TTI1: variants seen among roughly 807,000 people sequenced by gnomAD.
The protein encoded by TTI1 is TELO2 interacting protein 1.
A neutral mutation model predicts 85.4 loss-of-function variants in TTI1; 52 were observed. The ratio of observed to expected loss-of-function variants is 0.61; its 90% CI spans 0.49 to 0.77. The LOEUF (loss-of-function observed/expected upper bound fraction) is 0.77, where lower values mean the gene tolerates loss of function less well. Ranked by LOEUF, TTI1 falls within the 30% of genes least tolerant of loss-of-function variation. The pLI is 0.00. For missense variants in TTI1, 1,173 were observed against 1,296.0 expected, an observed-to-expected ratio of 0.91 and a Z score of 1.46; for synonymous variants, 512 against 503.9, an observed-to-expected ratio of 1.02 and a Z score of -0.22.
intron 7 of TTI1, among the ~76,000 whole-genome samples, chr20:37,990,085 G>A (rs1161044167): frequency 6.6e-6 from 1 of 152,180 alleles, no homozygotes; most frequent in Non-Finnish European, 1.5e-5. Flanking sequence ...AGGAAGCACA[G>A]AGCCACTCTG....
At chr20:38,010,125 G>A (rs2073561283) in intron 2 of TTI1, among the ~76,000 whole-genome samples, 1 of 152,174 alleles carries the variant, frequency 6.6e-6, no homozygotes, top group Non-Finnish European at 1.5e-5. Flanking sequence ...ACTCTTGAAT[G>A]AATGAATGAA....
chr20:38,009,626 A>G (rs2073552758), intron 2 of TTI1, among the ~76,000 whole-genome samples: 1 of 151,648 alleles, frequency 6.6e-6, no homozygotes, highest in Non-Finnish European at 1.5e-5. Context: ...TCTACCTCCC[A>G]AGTAGCTGGA....
intron 4 of TTI1, among the ~76,000 whole-genome samples, chr20:38,001,103 C>G (rs1206860283): frequency 6.6e-6 from 1 of 152,208 alleles, no homozygotes; most frequent in Non-Finnish European, 1.5e-5. Flanking sequence ...CCACAAAAGA[C>G]AGGGAGTTCC....
chr20:37,983,660 G>T (rs376545796), intron 7 of TTI1, 21 bp from the exon 8 acceptor site: 47 of 1,494,388 alleles, frequency 3.1e-5, no homozygotes, highest in African/African-American at 7.1e-5. Context: ...ATGGAAAGGA[G>T]TGAGTAGAGG....
chr20:38,031,681 G>C (rs986730882), intron 1 of TTI1, among the ~76,000 whole-genome samples: 2 of 152,180 alleles, frequency 1.3e-5, no homozygotes, highest in South Asian at 4.1e-4. Flanking sequence ...TTGGACATAG[G>C]TGCTGAAAAA....
chr20:38,022,841 G>A (rs2073787857), intron 1 of TTI1, among the ~76,000 whole-genome samples: 1 of 152,188 alleles, frequency 6.6e-6, no homozygotes, highest in Admixed American at 6.5e-5. Flanking sequence ...CCATCTGGTT[G>A]CAGTGTTCAG....
chr20:38,013,265 C>A lies in TTI1; in HGVS notation c.552G>T (p.Gln184His), dbSNP rs6013655. Residue 184 changes from glutamine to histidine, a missense_variant, in exon 2 of 8, where the codon CAG becomes CAT. Physicochemically the swap from Gln to His is conservative, Grantham distance 24. Transcript: ENST00000373447. ...ALKCLQVLLL[Q>H]CDCQDHPRSL... is the part of the protein sequence containing the mutation. Reference sequence around the variant, plus strand: ...ACCTTGGATGGTCCTGACAATCACACTGCAAGAGTAGAACCTGTAAACATT... The same window carrying A: ...ACCTTGGATGGTCCTGACAATCACAATGCAAGAGTAGAACCTGTAAACATT... 1 of 1,614,050 alleles carries A rather than the reference C, an allele frequency of 6.2e-7. No homozygotes were observed. Among genetic ancestry groups the A allele is most frequent in the Admixed American group, 1.7e-5 (1 of 60,028 alleles).
chr20:38,017,501 G>C (rs1013632763), intron 1 of TTI1, among the ~76,000 whole-genome samples: 1 of 151,906 alleles, frequency 6.6e-6, no homozygotes, highest in African/African-American at 2.4e-5. Context: ...ACGTGGGCTT[G>C]GGATTAGGGT....
intron 7 of TTI1, among the ~76,000 whole-genome samples, chr20:37,984,383 G>A (rs548455637): frequency 2.0e-5 from 3 of 152,300 alleles, no homozygotes; most frequent in Non-Finnish European, 4.4e-5. Flanking sequence ...CTGGGCTACT[G>A]GACACCCCAC....
chr20:38,016,358 G>A (rs1165190314), intron 1 of TTI1, among the ~76,000 whole-genome samples: 1 of 152,220 alleles, frequency 6.6e-6, no homozygotes, highest in Non-Finnish European at 1.5e-5. Context: ...AAAATCCAGG[G>A]TGAAGGCAAT....
chr20:37,996,858 C>T lies in TTI1; in HGVS notation c.2889G>A (p.Gln963=), dbSNP rs755074511. Residue 963 remains glutamine (Q), a synonymous_variant, in exon 6 of 8, where the codon CAG becomes CAA. Transcript: ENST00000373447. ...LPKLAGSLVT[Q]APISARAGPV... ...GTCCAGCCCTGGCACTGATGGGGGC[C>T]TGGGTGACTAGGGAGCCAGCCAGCT... 3 of 1,614,158 alleles carry T rather than the reference C, an allele frequency of 1.9e-6. No individual in the cohort carries two copies. In the South Asian group the frequency reaches 3.3e-5, roughly 18 times the overall value.
At chr20:37,986,492 C>G (rs1422549766) in intron 7 of TTI1, among the ~76,000 whole-genome samples, 1 of 152,210 alleles carries the variant, frequency 6.6e-6, no homozygotes, top group African/African-American at 2.4e-5. Context: ...GAGCCAAACT[C>G]TTGGAAGGAC....
rs74408468 is a variant in TTI1, at chr20:38,005,793, T to C, written c.2503+404A>G. On this transcript the variant is annotated intron_variant, in intron 3 of 7. Transcript: ENST00000373447. The stretch of plus-strand genomic sequence containing the variant: ...TAAAGAAATATGCAAAAATAAAAAA[T>C]AAAAAAATAAAAAAAATAAAAAAAA... The C allele has an allele frequency of 4.3e-3, 594 of 136,650 alleles. 4 individuals are homozygous for C. Among genetic ancestry groups the C allele is most frequent in the Non-Finnish European group, 6.2e-3 (408 of 65,642 alleles). The allele number at this position is 136,650 out of a possible 1,614,324, so 8.5% of individuals were successfully genotyped here. A position where few individuals can be genotyped will look rare whatever the true frequency, so the allele number is the denominator to read the frequency against.
rs1242109116 is a variant in TTI1, at chr20:37,999,187, C to T, written c.2793+1G>A. 1.4e-6 allele frequency: 2 copies of T among 1,437,298 alleles called. No individual in the cohort carries two copies. Among genetic ancestry groups the T allele is most frequent in the Non-Finnish European group, 1.8e-6 (2 of 1,088,090 alleles). 89.0% of individuals were successfully genotyped at this position (1,437,298 alleles called of 1,614,324 possible). A position where few individuals can be genotyped will look rare whatever the true frequency, so the allele number is the denominator to read the frequency against. ...GACCATGGGGGATGCTGGTGCAGTACCTTGAAGGCTCTAAGCACTGCCAGG... is the reference window on the plus strand; with the variant it reads ...GACCATGGGGGATGCTGGTGCAGTATCTTGAAGGCTCTAAGCACTGCCAGG... On this transcript the variant is annotated splice_donor_variant, in intron 5 of 7. Coordinates refer to ENST00000373447, the MANE Select transcript of TTI1 (RefSeq NM_001303457.2). LOFTEE classifies it high-confidence loss of function.
At position 38,002,689 on chromosome 20, in the gene TTI1, A is replaced by G. The variant is rs758121345; in HGVS notation, c.2591T>C (p.Met864Thr). ...GTGGATGCAGCGTTCCATCACGTCC[A>G]TGGCTATTTGGATCTGCAATGGCAG... ...PPLPLQIQIA[M>T]DVMERCIHLL... The change falls in exon 4 of 8, where the codon ATG becomes ACG. Residue 864 changes from methionine to threonine, a missense_variant. Met to Thr is a moderately conservative substitution (Grantham distance 81). Coordinates refer to ENST00000373447, the MANE Select transcript of TTI1 (RefSeq NM_001303457.2). 5.0e-6 allele frequency: 8 copies of G among 1,614,220 alleles called. No individual in the cohort carries two copies. In the Admixed American group the frequency reaches 8.3e-5, roughly 17 times the overall value.
At position 37,983,265 on chromosome 20, in the gene TTI1, A is replaced by G; in HGVS notation, c.*191T>C. On this transcript the variant is annotated 3_prime_UTR_variant, in exon 8 of 8. Transcript: ENST00000373447. ...CTTGACAACACAAGGTATGAAACATAAATAATAGTCAGCTACTTTCCTTCA... is the reference window on the plus strand; with the variant it reads ...CTTGACAACACAAGGTATGAAACATGAATAATAGTCAGCTACTTTCCTTCA... 2 of 596,214 alleles carry G rather than the reference A, an allele frequency of 3.4e-6. No individual in the cohort carries two copies. The highest frequency in any genetic ancestry group is 5.7e-6 in the Non-Finnish European group (2 of 348,592). 36.9% of individuals were successfully genotyped at this position (596,214 alleles called of 1,614,324 possible).
chr20:37,997,015 A>G, intron 5 of TTI1, 62 bp from the exon 6 acceptor site: 5 of 1,550,074 alleles, frequency 3.2e-6, no homozygotes, highest in Non-Finnish European at 4.4e-6. Flanking sequence ...GAGCTAAAGA[A>G]TGCTTGGTAA....
chr20:38,011,079 G>A (rs2073579532), intron 2 of TTI1, among the ~76,000 whole-genome samples: 2 of 152,164 alleles, frequency 1.3e-5, no homozygotes, highest in South Asian at 4.1e-4. Context: ...ATATGTGACT[G>A]AATAATTCAC....
chr20:38,030,134 G>A (rs1243580573), intron 1 of TTI1, among the ~76,000 whole-genome samples: 1 of 151,434 alleles, frequency 6.6e-6, no homozygotes, highest in African/African-American at 2.4e-5. Context: ...CAATAGGAAA[G>A]AGATTATTTT....
Sources: allele counts gnomAD v4.1 joint callset (sites outside exome capture counted in the v4.1 genomes callset), GRCh38; gene constraint gnomAD v4.1.1; transcripts MANE v1.5; gene names NCBI Gene and HGNC (gene_info 2026-07-23, HGNC 2026-07-21).